ADCY9: variants seen among roughly 807,000 people sequenced by gnomAD.
ADCY9 encodes the protein adenylate cyclase type 9.
In ADCY9, 50 loss-of-function variants were observed where a neutral mutation model predicts 101.5. The ratio of observed to expected loss-of-function variants is 0.49; its 90% confidence interval spans 0.39 to 0.62. ADCY9 has a LOEUF of 0.62. ADCY9 is among the 20% of genes least tolerant of loss of function. The pLI, the probability that ADCY9 is intolerant of heterozygous loss-of-function variation, is 0.00. For missense variants in ADCY9, 1,662 were observed against 1,800.4 expected (o/e 0.92, Z 1.39); for synonymous variants, 905 against 769.3 (o/e 1.18, Z -2.92).
rs375024799 is a variant in ADCY9, at chr16:3,977,726, C to CT, written c.2680-97dup. ...AACATTCGCCACTAATCCATGTTTC[C>CT]TTTTTTTTTTGACTGAGTCTCACTC... On this transcript the variant is annotated intron_variant, in intron 8 of 10. Transcript: ENST00000294016. 9.6e-3 allele frequency: 10,118 copies of CT among 1,052,838 alleles called. 1 individual carries two copies. The highest frequency in any genetic ancestry group is 0.01 in the Non-Finnish European group (7,859 of 779,914). 65.2% of individuals were successfully genotyped at this position (1,052,838 alleles called of 1,614,324 possible).
At chr16:4,048,849 TAGGC>T (rs2056682769) in intron 2 of ADCY9, among the ~76,000 whole-genome samples, 1 of 152,112 alleles carries the variant, frequency 6.6e-6, no homozygotes, top group Non-Finnish European at 1.5e-5. Context: ...GGATCTCACC[TAGGC>T]AGGGCCCATG....
At chr16:4,009,212 A>C (rs1340957814) in intron 2 of ADCY9, among the ~76,000 whole-genome samples, 2 of 152,084 alleles carry the variant, frequency 1.3e-5, no homozygotes, top group Non-Finnish European at 2.9e-5. Context: ...CAAAAGACTT[A>C]GATATTTTTA....
In ADCY9 at chr16:4,064,646, T is replaced by A. The variant is rs147063004; in HGVS notation, c.1693+49104A>T. On this transcript the variant is annotated intron_variant, in intron 2 of 10. Transcript: ENST00000294016. ...TACCACTATGCCCAGCTAATTTTTT[T>A]AATTTATTTGTTTATAGAGACAGGG... 6.5e-3 allele frequency among the ~76,000 whole-genome samples: 982 copies of A among 152,064 alleles called. 11 individuals are homozygous for A. The highest frequency in any genetic ancestry group is 0.022 in the African/African-American group (905 of 41,486).
intron 2 of ADCY9, among the ~76,000 whole-genome samples, chr16:4,049,710 G>A (rs1426004626): frequency 2.6e-5 from 4 of 152,076 alleles, no homozygotes; most frequent in African/African-American, 9.7e-5. Context: ...ACAACCAGCT[G>A]ATTCTTCCAG....
At chr16:4,019,530 C>T (rs1391522874) in intron 2 of ADCY9, among the ~76,000 whole-genome samples, 1 of 152,194 alleles carries the variant, frequency 6.6e-6, no homozygotes, top group Non-Finnish European at 1.5e-5. Flanking sequence ...AAGGCTGGGT[C>T]CCCGGCCATC....
chr16:4,011,121 G>C (rs574371890), intron 2 of ADCY9, among the ~76,000 whole-genome samples: 1 of 152,280 alleles, frequency 6.6e-6, no homozygotes, highest in African/African-American at 2.4e-5. Flanking sequence ...GAAAGACGGG[G>C]CGAGGTCAGC....
At chr16:4,035,483 C>G (rs2056583099) in intron 2 of ADCY9, among the ~76,000 whole-genome samples, 1 of 152,104 alleles carries the variant, frequency 6.6e-6, no homozygotes, top group South Asian at 2.1e-4. Context: ...ACTCAAAAGT[C>G]AGCCATACTC....
At chr16:4,059,355 T>C (rs543542027) in intron 2 of ADCY9, among the ~76,000 whole-genome samples, 2 of 124,212 alleles carry the variant, frequency 1.6e-5, no homozygotes, top group Admixed American at 1.0e-4. Flanking sequence ...CACTCCAGCC[T>C]GGGCGACACA....
chr16:4,022,825 G>A (rs980987475), intron 2 of ADCY9, among the ~76,000 whole-genome samples: 7 of 152,040 alleles, frequency 4.6e-5, no homozygotes, highest in African/African-American at 1.7e-4. Context: ...AAAATTAAAC[G>A]GAGAAAATTT....
intron 2 of ADCY9, among the ~76,000 whole-genome samples, chr16:4,023,337 G>T (rs976920513): frequency 1.4e-4 from 22 of 152,216 alleles, no homozygotes; most frequent in Non-Finnish European, 2.9e-4. Flanking sequence ...GAAAGCAAAA[G>T]CTTCCTGCAA....
At chr16:4,091,879 G>C (rs571375981) in intron 2 of ADCY9, among the ~76,000 whole-genome samples, 1 of 152,228 alleles carries the variant, frequency 6.6e-6, no homozygotes, top group African/African-American at 2.4e-5. Context: ...TTCGGAATTA[G>C]ACCCAGGGGA....
At chr16:4,101,638 G>A (rs949543665) in intron 2 of ADCY9, among the ~76,000 whole-genome samples, 1 of 152,186 alleles carries the variant, frequency 6.6e-6, no homozygotes, top group Non-Finnish European at 1.5e-5. Context: ...CAAGAGGGCA[G>A]GGGCCACCCC....
At chr16:4,068,997 C>A (rs1450843866) in intron 2 of ADCY9, among the ~76,000 whole-genome samples, 1 of 152,098 alleles carries the variant, frequency 6.6e-6, no homozygotes, top group Admixed American at 6.5e-5. Context: ...AACCAAGATT[C>A]TCATACATAC....
intron 2 of ADCY9, among the ~76,000 whole-genome samples, chr16:4,032,342 C>T (rs940198543): frequency 6.6e-6 from 1 of 151,842 alleles, no homozygotes; most frequent in African/African-American, 2.4e-5. Context: ...AGAGACGGGA[C>T]CACCAGGAAT....
At chr16:3,983,562 G>A in intron 6 of ADCY9, 122 bp from the exon 7 acceptor site, 2 of 816,598 alleles carry the variant, frequency 2.4e-6, no homozygotes, top group Non-Finnish European at 2.0e-6. Context: ...CACAGGGCAG[G>A]AAGGCTCTCG....
downstream of ADCY9, among the ~76,000 whole-genome samples, chr16:3,961,605 C>G (rs147391203): frequency 2.0e-3 from 305 of 152,264 alleles, no homozygotes; most frequent in African/African-American, 7.0e-3. Flanking sequence ...TGGCCCCGGG[C>G]TCCAGCAGAG....
In ADCY9 at chr16:3,981,382, CCCA is replaced by C. The variant is rs545709841; in HGVS notation, c.2519+1847_2519+1849del. Among the ~76,000 whole-genome samples the C allele has an allele frequency of 2.3e-3, 355 of 152,292 alleles. 1 individual carries two copies. The highest frequency in any genetic ancestry group is 7.6e-3 in the African/African-American group (314 of 41,560). On this transcript the variant is annotated intron_variant, in intron 7 of 10. Coordinates refer to ENST00000294016, the MANE Select transcript of ADCY9 (RefSeq NM_001116.4). ...CAGAGCCCTCAAGACGCTACAGCTA[CCCA>C]CATTAGAGGAAAACCTGGGGGTGGA...
intron 2 of ADCY9, among the ~76,000 whole-genome samples, chr16:4,011,939 C>A (rs2056407282): frequency 6.6e-6 from 1 of 152,256 alleles, no homozygotes; most frequent in African/African-American, 2.4e-5. Context: ...AAATGATCAA[C>A]ACGCACGCAG....
chr16:4,072,061 C>G (rs150995878), intron 2 of ADCY9, among the ~76,000 whole-genome samples: 212 of 152,342 alleles, frequency 1.4e-3, no homozygotes, highest in African/African-American at 4.9e-3. Context: ...ACCAAAGCCA[C>G]TGCATTCTGA....
Sources: allele counts gnomAD v4.1 joint callset (sites outside exome capture counted in the v4.1 genomes callset), GRCh38; gene constraint gnomAD v4.1.1; transcripts MANE v1.5; gene names NCBI Gene and HGNC (gene_info 2026-07-23, HGNC 2026-07-21).